Variants in AGO3 observed in about 807,000 individuals in gnomAD.
The protein encoded by AGO3 is protein argonaute-3.
In AGO3, 16 loss-of-function variants were observed where a neutral mutation model predicts 105.5. That is an observed-to-expected ratio of 0.15 (90% CI 0.10 to 0.23). The LOEUF is 0.23. Among genes scored for constraint, AGO3 ranks in the 10% least tolerant of loss-of-function variants. The pLI is 1.00. For synonymous variants in AGO3, 340 were observed against 367.3 expected (o/e 0.93, Z 0.85); for missense variants, 534 against 1,088.0 (o/e 0.49, Z 7.16).
intron 1 of AGO3, among the ~76,000 whole-genome samples, chr1:35,938,279 C>A (rs916739388): frequency 1.3e-5 from 2 of 151,828 alleles, no homozygotes; most frequent in African/African-American, 2.4e-5. Flanking sequence ...CCACTGTGCC[C>A]GGCCCAAAAA....
chr1:35,965,502 A>G (rs889289311), intron 2 of AGO3, among the ~76,000 whole-genome samples: 4 of 151,300 alleles, frequency 2.6e-5, no homozygotes, highest in East Asian at 1.9e-4. Flanking sequence ...AAAAAAAAAA[A>G]AAAAAAGAAA....
Position 36,055,230 on chromosome 1 carries a change from G to A in AGO3, c.2474+85G>A, listed in dbSNP as rs1642877440. The A allele has an allele frequency of 7.1e-7, 1 of 1,405,392 alleles. No homozygotes were observed. The highest frequency in any genetic ancestry group is 9.7e-7 in the Non-Finnish European group (1 of 1,026,464). 87.1% of individuals were successfully genotyped at this position (1,405,392 alleles called of 1,614,324 possible). ...TTTCAAGTTCCACAAGCTATTAGCG[G>A]AGTCAGTGATCCATGTGAAAAATGA... On this transcript the variant is annotated intron_variant, in intron 18 of 18. Coordinates refer to ENST00000373191, the MANE Select transcript of AGO3 (RefSeq NM_024852.4). The surrounding 1 kb of genome is among the most constrained non-coding windows in gnomAD (Gnocchi z 4.4).
intron 1 of AGO3, among the ~76,000 whole-genome samples, chr1:35,937,339 A>G (rs1419355553): frequency 2.0e-5 from 3 of 151,374 alleles, no homozygotes; most frequent in Admixed American, 6.6e-5. Context: ...GGAGGTGGAC[A>G]TTGCAGTGAG....
chr1:36,028,815 C>T (rs550137524), intron 12 of AGO3, among the ~76,000 whole-genome samples: 257 of 151,922 alleles, frequency 1.7e-3, no homozygotes, highest in Non-Finnish European at 3.3e-3. Flanking sequence ...CCTGAGGAGT[C>T]GCCACACTGA....
chr1:36,010,831 G>A (rs1340593805), intron 9 of AGO3, among the ~76,000 whole-genome samples: 13 of 151,380 alleles, frequency 8.6e-5, no homozygotes, highest in South Asian at 6.3e-4. Context: ...GCTTGAACCC[G>A]GGAGGCGCAG....
intron 5 of AGO3, among the ~76,000 whole-genome samples, chr1:35,980,331 C>T (rs1647031066): frequency 6.6e-6 from 1 of 152,196 alleles, no homozygotes; most frequent in Non-Finnish European, 1.5e-5. Context: ...AGTCATTGAG[C>T]TTATTCTACT....
intron 1 of AGO3, among the ~76,000 whole-genome samples, chr1:35,932,151 A>T (rs1351412755): frequency 6.6e-6 from 1 of 152,192 alleles, no homozygotes; most frequent in Non-Finnish European, 1.5e-5. Flanking sequence ...CAAGAGCAGC[A>T]GTTTTGCAGT....
chr1:36,027,369 C>A lies in AGO3; in HGVS notation c.1591+71C>A. The A allele has an allele frequency of 2.3e-6, 3 of 1,309,358 alleles. No homozygotes were observed. The highest frequency in any genetic ancestry group is 2.0e-6 in the Non-Finnish European group (2 of 977,646). 81.1% of individuals were successfully genotyped at this position (1,309,358 alleles called of 1,614,324 possible). A position where few individuals can be genotyped will look rare whatever the true frequency, so the allele number is the denominator to read the frequency against. On this transcript the variant is annotated intron_variant, in intron 12 of 18. Transcript: ENST00000373191. The surrounding 1 kb of genome is among the most constrained non-coding windows in gnomAD (Gnocchi z 4.0). ...CTTTTAGGATTATACTGAAACATAT[C>A]CTAAAACTTTCAAATATTAAAATAT...
In AGO3 at chr1:36,040,560, A is replaced by G. The variant is rs78006262; in HGVS notation, c.2172+119A>G. ...TTTCCAATATATAGTAGCAAATTTC[A>G]ACAATTACATTATGAGTATAGAAGC... On this transcript the variant is annotated intron_variant, in intron 16 of 18. Coordinates refer to ENST00000373191, the MANE Select transcript of AGO3 (RefSeq NM_024852.4). 3,941 of 1,088,716 alleles carry G rather than the reference A, an allele frequency of 3.6e-3. 88 individuals carry two copies. In the African/African-American group the frequency reaches 0.054, roughly 15 times the overall value. The allele number at this position is 1,088,716 out of a possible 1,614,324, so 67.4% of individuals were successfully genotyped here. A position where few individuals can be genotyped will look rare whatever the true frequency, so the allele number is the denominator to read the frequency against.
chr1:36,007,940 C>T (rs771809762), intron 6 of AGO3, among the ~76,000 whole-genome samples: 2 of 152,074 alleles, frequency 1.3e-5, no homozygotes, highest in African/African-American at 2.4e-5. Context: ...CCCTAGAGTC[C>T]ACAGATGGAC....
intron 2 of AGO3, among the ~76,000 whole-genome samples, chr1:35,953,974 CTT>C (rs774849962): frequency 6.6e-6 from 1 of 152,284 alleles, no homozygotes; most frequent in Non-Finnish European, 1.5e-5. Context: ...GAAGCACAAA[CTT>C]TTAAAATTTT....
chr1:36,025,284 A>T (rs1641449854), intron 11 of AGO3, among the ~76,000 whole-genome samples: 2 of 151,850 alleles, frequency 1.3e-5, no homozygotes, highest in Non-Finnish European at 2.9e-5. Flanking sequence ...CTCTAAATGG[A>T]TGCTTTAATG....
intron 11 of AGO3, 114 bp downstream of exon 11, chr1:36,014,162 C>A: frequency 2.2e-6 from 3 of 1,375,134 alleles, no homozygotes; most frequent in Non-Finnish European, 3.0e-6. Context: ...ATCACTGAAC[C>A]ATTTTTTTTT....
intron 17 of AGO3, among the ~76,000 whole-genome samples, chr1:36,052,186 G>GGATA (rs200958464): frequency 0.015 from 2,325 of 152,194 alleles, 48 homozygotes; most frequent in African/African-American, 0.053. Context: ...ACAGATGAAT[G>GGATA]AAGAAAATAT....
chr1:36,017,531 C>CT lies in AGO3; in HGVS notation c.1406+3484dup, dbSNP rs1640967258. Among the ~76,000 whole-genome samples, 2 of 152,146 alleles carry CT rather than the reference C, an allele frequency of 1.3e-5. 1 individual carries two copies. The highest frequency in any genetic ancestry group is 4.8e-5 in the African/African-American group (2 of 41,432). ...ACCATAGTCTTTGCAGTAGAATCTG[C>CT]TAAAGAGCCTATAAATTTCTAATAG... On this transcript the variant is annotated intron_variant, in intron 11 of 18. Transcript: ENST00000373191.
intron 5 of AGO3, among the ~76,000 whole-genome samples, chr1:35,996,683 A>T (rs555020259): frequency 6.6e-6 from 1 of 151,502 alleles, no homozygotes; most frequent in Admixed American, 6.6e-5. Flanking sequence ...AGGCAGGAGA[A>T]TTGCTTGAAC....
At chr1:36,050,791 C>CAA (rs566050744) in intron 17 of AGO3, among the ~76,000 whole-genome samples, 1,094 of 85,858 alleles carry the variant, frequency 0.013, 22 homozygotes, top group African/African-American at 0.038. Flanking sequence ...GACTCTATCT[C>CAA]AAAAAAAAAA....
At chr1:36,022,475 G>A (rs552867404) in intron 11 of AGO3, among the ~76,000 whole-genome samples, 1 of 152,206 alleles carries the variant, frequency 6.6e-6, no homozygotes, top group South Asian at 2.1e-4. Context: ...TGCTGCTTTA[G>A]GGTCCTAACA....
At chr1:35,962,473 G>T (rs924283856) in intron 2 of AGO3, among the ~76,000 whole-genome samples, 1 of 151,784 alleles carries the variant, frequency 6.6e-6, no homozygotes, top group African/African-American at 2.4e-5. Context: ...AACCCAGGAG[G>T]GGGAGCTTGC....
Sources: gnomAD v4.1 joint callset for allele counts (sites outside exome capture counted in the v4.1 genomes callset) on GRCh38, gnomAD v4.1.1 for gene constraint, Gnocchi (gnomAD v3.1) non-coding constraint, MANE v1.5 for transcripts, NCBI Gene and HGNC (gene_info 2026-07-23, HGNC 2026-07-21) for gene names.